Variants in AGMO observed in about 807,000 individuals in gnomAD.
AGMO encodes the protein alkylglycerol monooxygenase.
Under a neutral mutation model 60.2 loss-of-function variants are expected in AGMO, and 75 were observed. The ratio of observed to expected loss-of-function variants is 1.25; its 90% CI spans 1.03 to 1.51. AGMO has a LOEUF of 1.51. AGMO is among the 40% of genes most tolerant of loss of function. The pLI is 0.00. For missense variants in AGMO, 763 were observed against 525.5 expected (o/e 1.45, Z -4.42); for synonymous variants, 261 against 177.1 (o/e 1.47, Z -3.76).
At chr7:15,475,705 G>T (rs1218724766) in intron 3 of AGMO, among the ~76,000 whole-genome samples, 1 of 151,704 alleles carries the variant, frequency 6.6e-6, no homozygotes, top group Admixed American at 6.6e-5. Context: ...AAAAGAAAAA[G>T]AAGGAATTTA....
intron 3 of AGMO, among the ~76,000 whole-genome samples, chr7:15,519,227 C>T (rs1054828500): frequency 6.6e-6 from 1 of 151,366 alleles, no homozygotes; most frequent in Non-Finnish European, 1.5e-5. Flanking sequence ...GAATGGAAAA[C>T]ACACTTCAGG....
chr7:15,194,127 G>A, the AGMO span, among the ~76,000 whole-genome samples: 1 of 152,000 alleles, frequency 6.6e-6, no homozygotes, highest in South Asian at 2.1e-4. Flanking sequence ...TTTATTTTCA[G>A]TATTAAACTT....
chr7:15,407,922 C>A (rs12532885), intron 5 of AGMO, among the ~76,000 whole-genome samples: 1 of 151,416 alleles, frequency 6.6e-6, no homozygotes, highest in Non-Finnish European at 1.5e-5. Flanking sequence ...TCTAATTTAT[C>A]TCTCCAAACA....
intron 12 of AGMO, among the ~76,000 whole-genome samples, chr7:15,218,406 G>C (rs567997182): frequency 6.8e-6 from 1 of 147,332 alleles, no homozygotes; most frequent in East Asian, 2.0e-4. Context: ...ATATGTTTTA[G>C]TTCTTTTAAT....
chr7:15,173,371 C>A, the AGMO span, among the ~76,000 whole-genome samples: 2 of 152,094 alleles, frequency 1.3e-5, no homozygotes, highest in South Asian at 2.1e-4. Context: ...GATAAAATGT[C>A]ATTTACTTTT....
intron 12 of AGMO, among the ~76,000 whole-genome samples, chr7:15,282,222 C>A (rs1376793402): frequency 6.6e-6 from 1 of 151,886 alleles, no homozygotes; most frequent in Non-Finnish European, 1.5e-5. Flanking sequence ...TGGATCCAAA[C>A]CAAGATGAAA....
chr7:15,445,168 G>A (rs933371628), intron 3 of AGMO, among the ~76,000 whole-genome samples: 1 of 152,098 alleles, frequency 6.6e-6, no homozygotes, highest in African/African-American at 2.4e-5. Flanking sequence ...ACAAACAATT[G>A]TATATTTAAG....
intron 12 of AGMO, among the ~76,000 whole-genome samples, chr7:15,270,832 T>C (rs1216063652): frequency 6.6e-6 from 1 of 151,696 alleles, no homozygotes; most frequent in African/African-American, 2.4e-5. Context: ...ATTGAGTTAG[T>C]TTTTGTAAAT....
the AGMO span, among the ~76,000 whole-genome samples, chr7:15,162,445 C>A: frequency 1.3e-5 from 2 of 152,208 alleles, no homozygotes; most frequent in Middle Eastern, 3.4e-3. Flanking sequence ...GTAATCCCAG[C>A]ATTTTGGAAG....
intron 12 of AGMO, among the ~76,000 whole-genome samples, chr7:15,348,285 A>G (rs568057472): frequency 6.6e-6 from 1 of 152,182 alleles, no homozygotes; most frequent in African/African-American, 2.4e-5. Flanking sequence ...CCTCATCAAT[A>G]TACATCAATA....
chr7:15,354,539 T>TAG (rs1782446298), intron 12 of AGMO, among the ~76,000 whole-genome samples: 2 of 87,036 alleles, frequency 2.3e-5, no homozygotes, highest in Admixed American at 1.3e-4. Flanking sequence ...TATATATATA[T>TAG]AGCTCCCCTC....
chr7:15,375,384 G>A (rs1783408102), intron 10 of AGMO, among the ~76,000 whole-genome samples: 1 of 128,734 alleles, frequency 7.8e-6, no homozygotes, highest in African/African-American at 2.9e-5. Context: ...CTTTCTAAAA[G>A]GATTTTTTTT....
chr7:15,538,092 T>C (rs1169672262), intron 3 of AGMO, among the ~76,000 whole-genome samples: 1 of 152,090 alleles, frequency 6.6e-6, no homozygotes, highest in African/African-American at 2.4e-5. Flanking sequence ...GCTTCTCTCG[T>C]AGAGGTGCTA....
intron 3 of AGMO, among the ~76,000 whole-genome samples, chr7:15,525,866 C>T (rs1051032191): frequency 2.6e-5 from 4 of 152,200 alleles, no homozygotes; most frequent in Non-Finnish European, 5.9e-5. Context: ...GTAACACACC[C>T]TCTGGGGCCT....
intron 10 of AGMO, among the ~76,000 whole-genome samples, chr7:15,383,627 C>G (rs1488469817): frequency 6.6e-6 from 1 of 151,852 alleles, no homozygotes; most frequent in Non-Finnish European, 1.5e-5. Flanking sequence ...TATTGATAAT[C>G]CTAGATTAGA....
downstream of AGMO, among the ~76,000 whole-genome samples, chr7:15,198,257 C>CAGAGAGAGAGAGAG (rs1229360945): frequency 3.5e-5 from 2 of 56,588 alleles, no homozygotes; most frequent in African/African-American, 2.0e-4. Flanking sequence ...GAGAGAGAGA[C>CAGAGAGAGAGAGAG]AGAGACAGAG....
the AGMO span, among the ~76,000 whole-genome samples, chr7:15,132,344 C>T: frequency 6.6e-6 from 1 of 152,164 alleles, no homozygotes; most frequent in South Asian, 2.1e-4. Flanking sequence ...TGTGGGAAGA[C>T]AAATACTAAT....
At chr7:15,527,000 G>A (rs1784145385) in intron 3 of AGMO, among the ~76,000 whole-genome samples, 1 of 152,086 alleles carries the variant, frequency 6.6e-6, no homozygotes, top group Admixed American at 6.6e-5. Flanking sequence ...CCACTTACCT[G>A]CAGTTCCCCT....
In AGMO at chr7:15,201,357, A is replaced by C. The variant is rs372648488; in HGVS notation, c.1266T>G (p.Ile422Met). 7 of 1,610,966 alleles carry C rather than the reference A, an allele frequency of 4.3e-6. No individual in the cohort carries two copies. In the African/African-American group the frequency reaches 8.0e-5, roughly 18 times the overall value. ...LVPSLSSAFE[I>M]VFSICIAFWG... ...AGAAAGCAATGCAAATGGAAAAAAC[A>C]ATCTGAAGAAATAAAACACAAAGAG... The change falls in exon 13 of 13, where the codon ATT becomes ATG. Residue 422 changes from isoleucine (I) to methionine (M), a missense_variant and splice_region_variant. Coordinates refer to ENST00000342526, the MANE Select transcript of AGMO (RefSeq NM_001004320.2).
Sources: gnomAD v4.1 joint callset for allele counts (sites outside exome capture counted in the v4.1 genomes callset) on GRCh38, gnomAD v4.1.1 for gene constraint, MANE v1.5 for transcripts, NCBI Gene and HGNC (gene_info 2026-07-23, HGNC 2026-07-21) for gene names.